RPS6KC1: variants seen among roughly 807,000 people sequenced by gnomAD.
RPS6KC1 encodes ribosomal protein S6 kinase C1, also known as inactive ribosomal protein S6 kinase delta-1.
RPS6KC1 carries 54 observed loss-of-function variants against 103.8 expected under a neutral mutation model. The ratio of observed to expected loss-of-function variants is 0.52; its 90% CI spans 0.42 to 0.65. The LOEUF (loss-of-function observed/expected upper bound fraction) is 0.65. Among genes scored for constraint, RPS6KC1 ranks in the 30% least tolerant of loss-of-function variants. RPS6KC1 has a pLI of 0.00. For synonymous variants in RPS6KC1, 439 were observed against 438.7 expected (o/e 1.00, Z -0.01); for missense variants, 1,151 against 1,253.8 (o/e 0.92, Z 1.24).
the RPS6KC1 span, among the ~76,000 whole-genome samples, chr1:213,792,370 CACCT>C: frequency 1.3e-5 from 2 of 152,302 alleles, no homozygotes; most frequent in East Asian, 3.9e-4. Flanking sequence ...CGGTCACTGT[CACCT>C]GGTCTACAGG....
At chr1:213,858,122 A>G in the RPS6KC1 span, among the ~76,000 whole-genome samples, 1 of 152,248 alleles carries the variant, frequency 6.6e-6, no homozygotes, top group East Asian at 1.9e-4. Context: ...TATGCGTATC[A>G]ATAACAATGA....
intron 9 of RPS6KC1, 48 bp from the exon 10 acceptor site, chr1:213,232,072 GCAA>G (rs1460774027): frequency 1.3e-5 from 2 of 158,602 alleles, no homozygotes; most frequent in South Asian, 2.1e-4. Flanking sequence ...GGCTCCAAAG[GCAA>G]CTGAGGATGC....
At chr1:213,253,092 A>G (rs2094573427) in intron 12 of RPS6KC1, among the ~76,000 whole-genome samples, 1 of 152,196 alleles carries the variant, frequency 6.6e-6, no homozygotes, top group Admixed American at 6.5e-5. Flanking sequence ...GAATTTCTCT[A>G]TAAGTGAAAT....
At chr1:213,775,797 T>C in the RPS6KC1 span, among the ~76,000 whole-genome samples, 1 of 152,206 alleles carries the variant, frequency 6.6e-6, no homozygotes, top group Admixed American at 6.5e-5. Flanking sequence ...CCACAGCATT[T>C]TGCCCACAGT....
the RPS6KC1 span, chr1:213,820,247 G>T: frequency 6.6e-6 from 1 of 152,194 alleles, no homozygotes; most frequent in African/African-American, 2.4e-5. Flanking sequence ...GCCTCTATAG[G>T]TCTGAAGTCT....
At chr1:213,277,481 C>T (rs2095114492), downstream of RPS6KC1, among the ~76,000 whole-genome samples, 6 of 152,172 alleles carry the variant, frequency 3.9e-5, no homozygotes, top group Admixed American at 2.6e-4. Context: ...CAGCAGAGCA[C>T]TTGGCAGGCA....
At chr1:213,507,891 CTA>C in the RPS6KC1 span, among the ~76,000 whole-genome samples, 2 of 152,276 alleles carry the variant, frequency 1.3e-5, no homozygotes, top group East Asian at 3.9e-4. Context: ...GAGCTTTAAA[CTA>C]TGTTTCAATT....
chr1:213,131,116 A>G (rs1353464218), intron 6 of RPS6KC1, among the ~76,000 whole-genome samples: 1 of 152,178 alleles, frequency 6.6e-6, no homozygotes, highest in East Asian at 1.9e-4. Context: ...AGATTTCACA[A>G]TTGATACTTA....
intron 2 of RPS6KC1, among the ~76,000 whole-genome samples, chr1:213,076,000 TATG>T (rs1174050335): frequency 2.0e-5 from 3 of 152,222 alleles, no homozygotes; most frequent in African/African-American, 7.2e-5. Flanking sequence ...CAAGCCGTCT[TATG>T]ATGATGTTGT....
the RPS6KC1 span, among the ~76,000 whole-genome samples, chr1:213,588,693 C>T: frequency 6.6e-6 from 1 of 152,156 alleles, no homozygotes; most frequent in East Asian, 1.9e-4. Flanking sequence ...TGACATCTCC[C>T]ATGCACCTGC....
chr1:213,688,902 A>G, the RPS6KC1 span, among the ~76,000 whole-genome samples: 1 of 152,190 alleles, frequency 6.6e-6, no homozygotes, highest in African/African-American at 2.4e-5. Context: ...GACTTTCAGA[A>G]GCTGGGGATT....
chr1:213,582,091 T>C, the RPS6KC1 span, among the ~76,000 whole-genome samples: 1 of 150,216 alleles, frequency 6.7e-6, no homozygotes, highest in South Asian at 2.1e-4. Context: ...CAGGGACCTT[T>C]TTTTTTTTTT....
At chr1:213,406,494 A>C in the RPS6KC1 span, among the ~76,000 whole-genome samples, 2 of 152,184 alleles carry the variant, frequency 1.3e-5, no homozygotes, top group Non-Finnish European at 2.9e-5. Context: ...CCTGGAGGTC[A>C]GAGGAAAGGT....
At chr1:213,611,624 C>T in the RPS6KC1 span, among the ~76,000 whole-genome samples, 1 of 152,200 alleles carries the variant, frequency 6.6e-6, no homozygotes, top group African/African-American at 2.4e-5. Context: ...TTGGTACACA[C>T]CACAGGACTT....
the RPS6KC1 span, among the ~76,000 whole-genome samples, chr1:213,460,308 A>T: frequency 6.6e-6 from 1 of 151,164 alleles, no homozygotes; most frequent in African/African-American, 2.4e-5. Context: ...TTCTTGTTGC[A>T]TTGATCCCTT....
chr1:213,637,014 T>C, the RPS6KC1 span, among the ~76,000 whole-genome samples: 1 of 152,202 alleles, frequency 6.6e-6, no homozygotes, highest in African/African-American at 2.4e-5. Flanking sequence ...CATGAAAGAA[T>C]GCTCATCATC....
Position 213,216,135 on chromosome 1 carries a change from C to T in RPS6KC1, c.1045-14362C>T, listed in dbSNP as rs577296937. On this transcript the variant is annotated intron_variant, in intron 8 of 14. Coordinates refer to ENST00000366960, the MANE Select transcript of RPS6KC1 (RefSeq NM_012424.6). ...AGTGTGCTGTATTCAGGAAACCCAT[C>T]TCACATGCAGAGACACACATAGGCT... 5.9e-5 allele frequency among the ~76,000 whole-genome samples: 9 copies of T among 152,218 alleles called. No individual in the cohort carries two copies. The East Asian group carries it at 1.5e-3, about 26-fold the overall frequency.
chr1:213,599,382 C>G, the RPS6KC1 span, among the ~76,000 whole-genome samples: 1 of 150,938 alleles, frequency 6.6e-6, no homozygotes, highest in Non-Finnish European at 1.5e-5. Flanking sequence ...TGGGTCTGTC[C>G]TCTGTTCCAA....
the RPS6KC1 span, among the ~76,000 whole-genome samples, chr1:213,693,858 T>C: frequency 6.6e-6 from 1 of 152,236 alleles, no homozygotes; most frequent in Non-Finnish European, 1.5e-5. Context: ...TCTAATCTAT[T>C]TGTGCCCAGT....
Sources: allele counts gnomAD v4.1 joint callset (sites outside exome capture counted in the v4.1 genomes callset), GRCh38; gene constraint gnomAD v4.1.1; transcripts MANE v1.5; gene names NCBI Gene and HGNC (gene_info 2026-07-23, HGNC 2026-07-21).